Variants in ADAM23 observed in about 807,000 individuals in gnomAD.
ADAM23 encodes the protein disintegrin and metalloproteinase domain-containing protein 23.
A neutral mutation model predicts 120.1 loss-of-function variants in ADAM23; 33 were observed. The ratio of observed to expected loss-of-function variants is 0.27; its 90% CI spans 0.21 to 0.37. The LOEUF is 0.37. ADAM23 is among the 10% of genes least tolerant of loss of function. The pLI is 1.00. For missense variants in ADAM23, 862 were observed against 1,058.2 expected, an observed-to-expected ratio of 0.81 and a Z score of 2.57; for synonymous variants, 367 against 375.2, an observed-to-expected ratio of 0.98 and a Z score of 0.25.
intron 13 of ADAM23, among the ~76,000 whole-genome samples, 177 bp downstream of exon 13, chr2:206,562,470 T>A (rs1697786629): frequency 6.6e-6 from 1 of 152,218 alleles, no homozygotes; most frequent in Admixed American, 6.5e-5. Flanking sequence ...CTGTTTAGGT[T>A]GTAAAAATTT....
At position 206,608,725 on chromosome 2, in the gene ADAM23, CTGGA is replaced by C. The variant is rs200870489; in HGVS notation, c.2360-1181_2360-1178del. Among the ~76,000 whole-genome samples, 559 of 152,176 alleles carry C rather than the reference CTGGA, an allele frequency of 3.7e-3. 7 individuals carry two copies. Among genetic ancestry groups the C allele is most frequent in the African/African-American group, 0.013 (528 of 41,516 alleles). On this transcript the variant is annotated intron_variant, in intron 24 of 25. Coordinates refer to ENST00000264377, the MANE Select transcript of ADAM23 (RefSeq NM_003812.4). ...CTGTCCTCTACCTGCCCACCAAGCACTGGATGGTCTCCGAATAAAAACACATTAT... is the reference window on the plus strand; with the variant it reads ...CTGTCCTCTACCTGCCCACCAAGCACTGGTCTCCGAATAAAAACACATTAT...
chr2:206,608,054 C>T (rs1469295762), intron 24 of ADAM23: 1 of 403,220 alleles, frequency 2.5e-6, no homozygotes, highest in Admixed American at 3.0e-5. Flanking sequence ...AAATTTGATT[C>T]TCTGTTGAAT....
At chr2:206,527,835 A>G (rs1020069657) in intron 3 of ADAM23, among the ~76,000 whole-genome samples, 1 of 152,156 alleles carries the variant, frequency 6.6e-6, no homozygotes. Context: ...GAAGTAGAAG[A>G]GTGGACTGGC....
chr2:206,616,459 TAAAG>T (rs1698936811), intron 25 of ADAM23, among the ~76,000 whole-genome samples: 1 of 152,238 alleles, frequency 6.6e-6, no homozygotes, highest in Non-Finnish European at 1.5e-5. Flanking sequence ...AAGTTTTCTT[TAAAG>T]ACTTTTATGT....
chr2:206,542,068 A>G lies in ADAM23; in HGVS notation c.590A>G (p.Tyr197Cys). 1 of 1,614,202 alleles carries G rather than the reference A, an allele frequency of 6.2e-7. No individual in the cohort carries two copies. The highest frequency in any genetic ancestry group is 8.5e-7 in the Non-Finnish European group (1 of 1,180,010). ...GCTTTCCAGGGTGGAGAGCACTGTT[A>G]CTACCATGGAAGCATCAGAGGCGTC... The part of the protein sequence containing the change: ...PQYSKGGEHC[Y>C]YHGSIRGVKD... The change falls in exon 5 of 26, where the codon TAC (tyrosine) becomes TGC (cysteine). Residue 197 changes from tyrosine (Y) to cysteine (C), a missense_variant. Physicochemically the swap from Tyr to Cys is radical, Grantham distance 194. Transcript: ENST00000264377.
Position 206,620,062 on chromosome 2 carries a change from A to T in ADAM23, c.*2435A>T, listed in dbSNP as rs2105873019. The T allele has an allele frequency of 6.6e-6, 1 of 152,328 alleles. No individual in the cohort carries two copies. Among genetic ancestry groups the T allele is most frequent in the Non-Finnish European group, 1.5e-5 (1 of 68,036 alleles). The allele number at this position is 152,328 out of a possible 1,614,324, so 9.4% of individuals were successfully genotyped here. A position where few individuals can be genotyped will look rare whatever the true frequency, so the allele number is the denominator to read the frequency against. On this transcript the variant is annotated 3_prime_UTR_variant, in exon 26 of 26. Coordinates refer to ENST00000264377, the MANE Select transcript of ADAM23 (RefSeq NM_003812.4). ...GTTGCTGGGTCCTACTCTCTAGTAGATACTAAACTGCTGTGAAGTACACCA... is the reference window on the plus strand; with the variant it reads ...GTTGCTGGGTCCTACTCTCTAGTAGTTACTAAACTGCTGTGAAGTACACCA...
intron 2 of ADAM23, among the ~76,000 whole-genome samples, chr2:206,455,657 C>T (rs1036136009): frequency 6.6e-6 from 1 of 152,190 alleles, no homozygotes; most frequent in African/African-American, 2.4e-5. Context: ...TAGAAGCAGC[C>T]AGGTCACATC....
chr2:206,616,147 A>G (rs13410111), intron 25 of ADAM23, among the ~76,000 whole-genome samples: 153 of 152,198 alleles, frequency 1.0e-3, no homozygotes, highest in African/African-American at 3.5e-3. Flanking sequence ...TTAAACCTCT[A>G]CCTTCCAGGG....
At chr2:206,507,598 G>T (rs1019944444) in intron 3 of ADAM23, among the ~76,000 whole-genome samples, 1 of 152,126 alleles carries the variant, frequency 6.6e-6, no homozygotes, top group African/African-American at 2.4e-5. Flanking sequence ...CTCAGGCTCA[G>T]GTATTTCTTT....
rs1354683574 is a variant in ADAM23 at position 206,521,056 on chromosome 2, G to T, written c.510-9829G>T. Among the ~76,000 whole-genome samples the T allele has an allele frequency of 2.6e-5, 4 of 152,044 alleles. No individual in the cohort carries two copies. In the East Asian group the frequency reaches 5.8e-4, roughly 22 times the overall value. ...CTGTCCAAATTGTATCGTAGAGACTGCCTAAGCCCTGCTTCTTCACTAAAG... is the reference window on the plus strand; with the variant it reads ...CTGTCCAAATTGTATCGTAGAGACTTCCTAAGCCCTGCTTCTTCACTAAAG... On this transcript the variant is annotated intron_variant, in intron 3 of 25. Coordinates refer to ENST00000264377, the MANE Select transcript of ADAM23 (RefSeq NM_003812.4).
intron 24 of ADAM23, 46 bp downstream of exon 24, chr2:206,596,208 A>G (rs1262297558): frequency 2.1e-6 from 3 of 1,423,980 alleles, no homozygotes; most frequent in Non-Finnish European, 3.0e-6. Flanking sequence ...GAATTCGTTG[A>G]CACTGTTCCA....
intron 13 of ADAM23, among the ~76,000 whole-genome samples, chr2:206,563,370 A>G (rs1697809553): frequency 6.6e-6 from 1 of 152,178 alleles, no homozygotes. Flanking sequence ...AACAAATTAT[A>G]TTTACACAGG....
At chr2:206,533,616 T>C (rs1055934512) in intron 4 of ADAM23, among the ~76,000 whole-genome samples, 2 of 152,232 alleles carry the variant, frequency 1.3e-5, no homozygotes, top group Admixed American at 6.5e-5. Context: ...TGAAGTTAAA[T>C]GTGAATGTGG....
At chr2:206,478,758 TA>T (rs1415857809) in intron 2 of ADAM23, among the ~76,000 whole-genome samples, 1 of 152,226 alleles carries the variant, frequency 6.6e-6, no homozygotes, top group Non-Finnish European at 1.5e-5. Context: ...TTAAAAAATT[TA>T]AAAAGCTTAT....
chr2:206,570,601 T>C, intron 15 of ADAM23, 139 bp from the exon 16 acceptor site: 4 of 631,138 alleles, frequency 6.3e-6, no homozygotes, highest in Non-Finnish European at 8.5e-6. Context: ...AGTCATCATT[T>C]ATAAGATGCC....
At chr2:206,464,425 A>T (rs1192785324) in intron 2 of ADAM23, among the ~76,000 whole-genome samples, 8 of 152,170 alleles carry the variant, frequency 5.3e-5, no homozygotes, top group Non-Finnish European at 7.4e-5. Context: ...AAATACAAAA[A>T]TTAGCCGGGC....
At chr2:206,457,392 T>G (rs919651285) in intron 2 of ADAM23, among the ~76,000 whole-genome samples, 2 of 152,224 alleles carry the variant, frequency 1.3e-5, no homozygotes, top group Non-Finnish European at 2.9e-5. Context: ...GACTGTGGTT[T>G]ATAGACTTCC....
intron 1 of ADAM23, among the ~76,000 whole-genome samples, chr2:206,444,458 A>G (rs981990702): frequency 9.2e-5 from 14 of 152,100 alleles, no homozygotes; most frequent in Non-Finnish European, 1.6e-4. Context: ...GGATGTAGTG[A>G]TAATAGTGGT....
chr2:206,583,768 T>C (rs1004437830), intron 18 of ADAM23, among the ~76,000 whole-genome samples: 2 of 152,182 alleles, frequency 1.3e-5, no homozygotes, highest in Non-Finnish European at 2.9e-5. Flanking sequence ...TCTTCCATCA[T>C]TTTTTGGATT....
Sources: allele counts gnomAD v4.1 joint callset (sites outside exome capture counted in the v4.1 genomes callset), GRCh38; gene constraint gnomAD v4.1.1; transcripts MANE v1.5; gene names NCBI Gene and HGNC (gene_info 2026-07-23, HGNC 2026-07-21).